Variants in CTSD observed in about 807,000 individuals in gnomAD.
CTSD encodes the protein cathepsin D, also known as ceroid-lipofuscinosis, neuronal 10.
Under a neutral mutation model 43.6 loss-of-function variants are expected in CTSD, and 28 were observed. That is an observed-to-expected ratio of 0.64 (90% CI 0.48 to 0.88). The LOEUF is 0.88. Ranked by LOEUF, CTSD falls within the 40% of genes least tolerant of loss-of-function variation. CTSD has a pLI of 0.00. For synonymous variants in CTSD, 270 were observed against 249.8 expected (o/e 1.08, Z -0.76); for missense variants, 485 against 555.2 (o/e 0.87, Z 1.27).
rs1271783196 is a variant in CTSD, at chr11:1,763,796, CGAGCGCG to C, written c.57_63del (p.Ala20SerfsTer25). 6.6e-7 allele frequency: 1 copy of C among 1,525,574 alleles called. No homozygotes were observed. The highest frequency in any genetic ancestry group is 8.8e-7 in the Non-Finnish European group (1 of 1,142,774). 94.5% of individuals were successfully genotyped at this position (1,525,574 alleles called of 1,614,324 possible). A position where few individuals can be genotyped will look rare whatever the true frequency, so the allele number is the denominator to read the frequency against. On this transcript the variant is annotated frameshift_variant, in exon 1 of 9. Coordinates refer to ENST00000236671, the MANE Select transcript of CTSD (RefSeq NM_001909.5). LOFTEE classifies it high-confidence loss of function. The stretch of plus-strand genomic sequence containing the variant: ...CCCCGGCCCCTGAGGCTTCACCTGA[CGAGCGCG>C]GAGGCGGGTGCAGCCAGCAGGCAGA...
chr11:1,754,182 T>G (rs1845766498), intron 6 of CTSD, 44 bp from the exon 7 acceptor site: 1 of 1,590,926 alleles, frequency 6.3e-7, no homozygotes, highest in Non-Finnish European at 8.5e-7. Context: ...GACTGGAGTG[T>G]GCCCTGGGGG....
chr11:1,754,214 C>T (rs762642229), intron 6 of CTSD, 76 bp from the exon 7 acceptor site: 4 of 1,534,072 alleles, frequency 2.6e-6, no homozygotes, highest in Non-Finnish European at 3.5e-6. Flanking sequence ...TCCCTGGGAG[C>T]CCCTCCCCTG....
chr11:1,752,925 C>T lies in CTSD; in HGVS notation c.*578G>A. On this transcript the variant is annotated 3_prime_UTR_variant, in exon 9 of 9. Transcript: ENST00000236671. Reference sequence around the variant, plus strand: ...TGGGACTGGCTCAGTCCCAGCACCACCCTGCAGGCTCCAACAAGGTGGGTT... The same window carrying T: ...TGGGACTGGCTCAGTCCCAGCACCATCCTGCAGGCTCCAACAAGGTGGGTT... The T allele has an allele frequency of 5.3e-6, 1 of 189,820 alleles. No homozygotes were observed. The allele number at this position is 189,820 out of a possible 1,614,324, so 11.8% of individuals were successfully genotyped here. A position where few individuals can be genotyped will look rare whatever the true frequency, so the allele number is the denominator to read the frequency against.
intron 6 of CTSD, 129 bp from the exon 7 acceptor site, chr11:1,754,267 GC>G: frequency 1.8e-6 from 2 of 1,137,376 alleles, no homozygotes; most frequent in Non-Finnish European, 2.5e-6. Context: ...TGGAAGCACA[GC>G]CGGCTGTAAG....
Position 1,757,557 on chromosome 11 carries a change from C to A in CTSD, c.472-1G>T. On this transcript the variant is annotated splice_acceptor_variant, in intron 4 of 8. Transcript: ENST00000236671. LOFTEE classifies it high-confidence loss of function. ...CTGACGACGCTGACTGGCAGGGCAC[C>A]TGCAGGCCAGGGCAGAGTCAGTGGG... 1 of 1,607,444 alleles carries A rather than the reference C, an allele frequency of 6.2e-7. No homozygotes were observed.
At chr11:1,754,874 AC>A in intron 6 of CTSD, 31 bp downstream of exon 6, 1 of 1,612,946 alleles carries the variant, frequency 6.2e-7, no homozygotes, top group Non-Finnish European at 8.5e-7. Context: ...CGCCCACAGA[AC>A]CCAGGGGAGC....
chr11:1,761,221 G>T, intron 2 of CTSD, 88 bp downstream of exon 2: 1 of 1,485,848 alleles, frequency 6.7e-7, no homozygotes, highest in East Asian at 2.3e-5. Context: ...GCGCTGCTGA[G>T]AACAGGAGGT....
intron 5 of CTSD, chr11:1,755,471 C>T: frequency 3.1e-6 from 1 of 317,486 alleles, no homozygotes; most frequent in Non-Finnish European, 6.2e-6. Flanking sequence ...AGGGCCTCTG[C>T]ACTGGCTGCT....
chr11:1,761,414 GCCC>G lies in CTSD; in HGVS notation c.120_122del (p.Gly41del). Reference sequence around the variant, plus strand: ...CTTTGGCAATCAGGTCCTCCACAGAGCCCCCAACCTCCGACATGGTCCGGCGGA... The same window carrying G: ...CTTTGGCAATCAGGTCCTCCACAGAGCCAACCTCCGACATGGTCCGGCGGA... On this transcript the variant is annotated inframe_deletion, in exon 2 of 9. Transcript: ENST00000236671. 1 of 1,613,836 alleles carries G rather than the reference GCCC, an allele frequency of 6.2e-7. No homozygotes were observed. Among genetic ancestry groups the G allele is most frequent in the Non-Finnish European group, 8.5e-7 (1 of 1,179,994 alleles).
Position 1,759,111 on chromosome 11 carries a change from C to G in CTSD, c.353-24G>C, listed in dbSNP as rs200272665. The G allele has an allele frequency of 2.6e-6, 4 of 1,549,548 alleles. No homozygotes were observed. The African/African-American group carries it at 4.1e-5, about 16-fold the overall frequency. On this transcript the variant is annotated intron_variant, in intron 3 of 8. Coordinates refer to ENST00000236671, the MANE Select transcript of CTSD (RefSeq NM_001909.5). ...CCCTGCCCCGGGCGACAAGGGGGCC[C>G]GCCGGTCATCCCGCAGCCCACGCCA...
At chr11:1,753,697 C>G (rs765166572) in intron 8 of CTSD, 27 bp from the exon 9 acceptor site, 4 of 1,611,870 alleles carry the variant, frequency 2.5e-6, no homozygotes, top group Admixed American at 3.3e-5. Flanking sequence ...GGTCAGTACC[C>G]AGGCCTAGCA....
At chr11:1,758,231 G>T (rs1845833046) in intron 4 of CTSD, among the ~76,000 whole-genome samples, 1 of 152,180 alleles carries the variant, frequency 6.6e-6, no homozygotes, top group South Asian at 2.1e-4. Flanking sequence ...AGCAGCTTCA[G>T]CTGGAGGAAG....
intron 5 of CTSD, chr11:1,755,447 C>T: frequency 3.0e-6 from 1 of 332,852 alleles, no homozygotes; most frequent in African/African-American, 2.1e-5. Flanking sequence ...GTTGGGATGG[C>T]TGGTTCTGGC....
At chr11:1,761,187 G>A (rs1845871235) in intron 2 of CTSD, 122 bp downstream of exon 2, 20 of 1,083,646 alleles carry the variant, frequency 1.8e-5, no homozygotes, top group Non-Finnish European at 2.1e-5. Context: ...GGACGCCACC[G>A]TGGCCAGGTG....
intron 6 of CTSD, among the ~76,000 whole-genome samples, chr11:1,754,568 GA>G (rs1179412104): frequency 8.1e-5 from 11 of 136,576 alleles, no homozygotes; most frequent in East Asian, 4.4e-4. Context: ...AGGGATGGAG[GA>G]GATGGAGGGT....
In CTSD at chr11:1,754,144, G is replaced by C. The variant is rs1222306629; in HGVS notation, c.828-6C>G. On this transcript the variant is annotated splice_polypyrimidine_tract_variant and splice_region_variant and intron_variant, in intron 6 of 8. Transcript: ENST00000236671. The stretch of plus-strand genomic sequence containing the variant: ...GCCCGCTGGCCACCTCCACCCTGCG[G>C]GGAGTCAGGGCGTGAAGCCCCTGCC... 1.2e-6 allele frequency: 2 copies of C among 1,607,442 alleles called. No homozygotes were observed. Among genetic ancestry groups the C allele is most frequent in the Non-Finnish European group, 1.7e-6 (2 of 1,179,396 alleles).
chr11:1,754,825 G>A, intron 6 of CTSD, 81 bp downstream of exon 6: 2 of 1,594,962 alleles, frequency 1.3e-6, no homozygotes, highest in South Asian at 1.1e-5. Context: ...ACCCCCACCT[G>A]CAGAACCGGG....
Position 1,753,062 on chromosome 11 carries a change from G to A in CTSD, c.*441C>T, listed in dbSNP as rs1282648395. On this transcript the variant is annotated 3_prime_UTR_variant, in exon 9 of 9. Transcript: ENST00000236671. ...GCAGAGCCCAGCTGGGCCCAAGCTG[G>A]GCAGAGGGGCCCTCAGGCAGGGCAG... is the stretch of plus-strand genomic sequence containing the variant. 6 of 306,340 alleles carry A rather than the reference G, an allele frequency of 2.0e-5. No homozygotes were observed. In the Admixed American group the frequency reaches 2.4e-4, roughly 12 times the overall value. The allele number at this position is 306,340 out of a possible 1,614,324, so 19.0% of individuals were successfully genotyped here. A position where few individuals can be genotyped will look rare whatever the true frequency, so the allele number is the denominator to read the frequency against.
intron 5 of CTSD, among the ~76,000 whole-genome samples, chr11:1,756,807 G>A (rs566906342): frequency 6.6e-6 from 1 of 152,182 alleles, no homozygotes; most frequent in Non-Finnish European, 1.5e-5. Context: ...GTTCCTCCTC[G>A]AGGGCAGCCG....
Sources: allele counts gnomAD v4.1 joint callset (sites outside exome capture counted in the v4.1 genomes callset), GRCh38; gene constraint gnomAD v4.1.1; transcripts MANE v1.5; gene names NCBI Gene and HGNC (gene_info 2026-07-23, HGNC 2026-07-21).